The following SPIDR variants were observed in gnomAD, a reference collection of about 807,000 sequenced individuals.
SPIDR encodes DNA repair-scaffolding protein.
Under a neutral mutation model 104.6 loss-of-function variants are expected in SPIDR, and 93 were observed. The observed-to-expected ratio is 0.89, with a 90% CI of 0.75 to 1.06. SPIDR has a LOEUF of 1.06. Ranked by LOEUF, SPIDR falls within the 50% of genes least tolerant of loss-of-function variation. The pLI is 0.00. For synonymous variants in SPIDR, 431 were observed against 416.9 expected (o/e 1.03, Z -0.41); for missense variants, 1,154 against 1,111.2 (o/e 1.04, Z -0.55).
chr8:47,325,216 G>A (rs898806693), intron 5 of SPIDR, among the ~76,000 whole-genome samples: 6 of 152,106 alleles, frequency 3.9e-5, no homozygotes, highest in Admixed American at 1.3e-4. Context: ...TGCTTTTAGA[G>A]TGTTAAATTG....
chr8:47,735,563 C>T lies in SPIDR; in HGVS notation c.*113C>T. The T allele has an allele frequency of 6.5e-7, 1 of 1,549,026 alleles. No homozygotes were observed. The highest frequency in any genetic ancestry group is 8.7e-7 in the Non-Finnish European group (1 of 1,143,736). The stretch of plus-strand genomic sequence containing the variant: ...GGACACAGTGAACGTAGTTTACGAT[C>T]TTGAAATGAAACTTAGATTTTTCTG... On this transcript the variant is annotated 3_prime_UTR_variant, in exon 20 of 20. Coordinates refer to ENST00000297423, the MANE Select transcript of SPIDR (RefSeq NM_001080394.4).
chr8:47,600,005 G>A (rs887513086), intron 10 of SPIDR, among the ~76,000 whole-genome samples: 5 of 151,764 alleles, frequency 3.3e-5, no homozygotes, highest in South Asian at 2.1e-4. Flanking sequence ...TGATCCACCC[G>A]CCTCGGCCTC....
intron 8 of SPIDR, among the ~76,000 whole-genome samples, chr8:47,593,637 A>G (rs2061318246): frequency 6.6e-6 from 1 of 152,228 alleles, no homozygotes; most frequent in African/African-American, 2.4e-5. Flanking sequence ...TCTTTTAGGT[A>G]GCTTCATCTG....
At chr8:47,442,717 T>C (rs567512631) in intron 8 of SPIDR, among the ~76,000 whole-genome samples, 3 of 152,226 alleles carry the variant, frequency 2.0e-5, no homozygotes, top group Middle Eastern at 3.2e-3. Flanking sequence ...TTTATTGTTA[T>C]TATTTTTTAA....
intron 8 of SPIDR, among the ~76,000 whole-genome samples, chr8:47,516,008 A>G (rs576773312): frequency 2.7e-3 from 418 of 152,218 alleles, no homozygotes; most frequent in African/African-American, 9.8e-3. Context: ...ACAGGGTTTC[A>G]CCGTATTAGC....
At chr8:47,345,859 T>G (rs192897752) in intron 5 of SPIDR, among the ~76,000 whole-genome samples, 110 of 152,350 alleles carry the variant, frequency 7.2e-4, no homozygotes, top group African/African-American at 2.5e-3. Flanking sequence ...TAAGGAGATT[T>G]GGGGTTGAGA....
chr8:47,671,916 T>C (rs1365465051), intron 10 of SPIDR, among the ~76,000 whole-genome samples: 1 of 152,190 alleles, frequency 6.6e-6, no homozygotes, highest in Non-Finnish European at 1.5e-5. Flanking sequence ...TAGTTGGATT[T>C]CCATTTCGTT....
chr8:47,421,832 C>G (rs1349648808), intron 7 of SPIDR, among the ~76,000 whole-genome samples: 2 of 152,226 alleles, frequency 1.3e-5, no homozygotes, highest in African/African-American at 4.8e-5. Flanking sequence ...TTCTAACAGT[C>G]AGGACCCTCA....
chr8:47,612,590 C>T (rs947472719), intron 10 of SPIDR, among the ~76,000 whole-genome samples: 5 of 152,192 alleles, frequency 3.3e-5, no homozygotes, highest in Non-Finnish European at 4.4e-5. Context: ...CAGTTTTGAA[C>T]TTCTTCCAGG....
intron 7 of SPIDR, among the ~76,000 whole-genome samples, chr8:47,429,793 T>C (rs565076141): frequency 6.6e-6 from 1 of 151,644 alleles, no homozygotes; most frequent in Non-Finnish European, 1.5e-5. Flanking sequence ...TCTGTACTTT[T>C]CTGCAGCTTA....
chr8:47,601,491 C>T (rs1420851088), intron 10 of SPIDR, among the ~76,000 whole-genome samples: 8 of 152,072 alleles, frequency 5.3e-5, no homozygotes, highest in Non-Finnish European at 1.2e-4. Context: ...GTCAGGGGAT[C>T]GAGACCATCC....
intron 10 of SPIDR, among the ~76,000 whole-genome samples, chr8:47,659,848 T>A (rs373605186): frequency 1.1e-4 from 17 of 152,142 alleles, no homozygotes; most frequent in African/African-American, 3.9e-4. Context: ...CTGCTTAAGT[T>A]GACAGTGACC....
intron 5 of SPIDR, among the ~76,000 whole-genome samples, chr8:47,309,406 C>T (rs887027896): frequency 1.1e-4 from 16 of 152,084 alleles, no homozygotes; most frequent in Admixed American, 7.2e-4. Flanking sequence ...ATAGCATTTT[C>T]GGGCTTTTAT....
intron 8 of SPIDR, among the ~76,000 whole-genome samples, chr8:47,572,141 G>A (rs1020696946): frequency 2.6e-5 from 4 of 152,086 alleles, no homozygotes; most frequent in African/African-American, 9.7e-5. Context: ...TATTTAGGTA[G>A]TATTTTGTTT....
chr8:47,335,857 TC>T lies in SPIDR; in HGVS notation c.525+41829del, dbSNP rs368170962. Among the ~76,000 whole-genome samples, 553 of 152,286 alleles carry T rather than the reference TC, an allele frequency of 3.6e-3. 5 individuals carry two copies. Among genetic ancestry groups the T allele is most frequent in the Middle Eastern group, 0.014 (4 of 294 alleles). ...TAAGGTGTTTTCACCCCCTTCAACTTCCTTCAGAAATTTGTTTTTGTTAGAT... is the reference window on the plus strand; with the variant it reads ...TAAGGTGTTTTCACCCCCTTCAACTTCTTCAGAAATTTGTTTTTGTTAGAT... On this transcript the variant is annotated intron_variant, in intron 5 of 19. Coordinates refer to ENST00000297423, the MANE Select transcript of SPIDR (RefSeq NM_001080394.4).
intron 10 of SPIDR, among the ~76,000 whole-genome samples, chr8:47,626,320 A>G (rs1309659208): frequency 6.6e-6 from 1 of 152,268 alleles, no homozygotes; most frequent in African/African-American, 2.4e-5. Context: ...TTCAGGAGAT[A>G]GGCATGGGCA....
chr8:47,330,065 C>T (rs749650792), intron 5 of SPIDR, among the ~76,000 whole-genome samples: 12 of 152,194 alleles, frequency 7.9e-5, no homozygotes, highest in Non-Finnish European at 1.8e-4. Flanking sequence ...TCTTAGGTCA[C>T]TTTCCTTCAG....
rs150747328 is a variant in SPIDR, at chr8:47,409,031, T to C, written c.877+1070T>C. Among the ~76,000 whole-genome samples the C allele has an allele frequency of 9.3e-3, 1,408 of 151,824 alleles. 23 individuals are homozygous for C. The highest frequency in any genetic ancestry group is 0.032 in the African/African-American group (1,311 of 41,404). ...TGAAACCCCATCTCTACTAAAAATA[T>C]AAAAATTAGCTGGGCGTGGTGGTGC... On this transcript the variant is annotated intron_variant, in intron 7 of 19. Transcript: ENST00000297423.
At chr8:47,624,838 A>G (rs1232966252) in intron 10 of SPIDR, among the ~76,000 whole-genome samples, 1 of 152,206 alleles carries the variant, frequency 6.6e-6, no homozygotes, top group East Asian at 1.9e-4. Flanking sequence ...TTCCTTCTGA[A>G]ACTATTCCAA....
Sources: gnomAD v4.1 joint callset for allele counts (sites outside exome capture counted in the v4.1 genomes callset) on GRCh38, gnomAD v4.1.1 for gene constraint, MANE v1.5 for transcripts, NCBI Gene and HGNC (gene_info 2026-07-23, HGNC 2026-07-21) for gene names.